Variants in MMP16 observed in about 807,000 individuals in gnomAD.
MMP16 encodes the protein matrix metalloproteinase-16.
In MMP16, 12 loss-of-function variants were observed where a neutral mutation model predicts 67.8. The observed-to-expected ratio is 0.18, with a 90% CI of 0.11 to 0.29. MMP16 has a LOEUF of 0.29. MMP16 is among the 10% of genes least tolerant of loss of function. The pLI, the probability that MMP16 is intolerant of heterozygous loss-of-function variation, is 1.00. For missense variants in MMP16, 475 were observed against 765.7 expected (o/e 0.62, Z 4.48); for synonymous variants, 249 against 255.9 (o/e 0.97, Z 0.26).
At chr8:88,138,082 C>CA (rs1808151783) in intron 4 of MMP16, among the ~76,000 whole-genome samples, 1 of 151,550 alleles carries the variant, frequency 6.6e-6, no homozygotes, top group African/African-American at 2.4e-5. Context: ...ACACCTGAAT[C>CA]ATGTGTGTAT....
At chr8:88,318,672 C>A (rs975211481) in intron 1 of MMP16, among the ~76,000 whole-genome samples, 2 of 152,116 alleles carry the variant, frequency 1.3e-5, no homozygotes, top group Non-Finnish European at 2.9e-5. Context: ...GTTCTTCAAA[C>A]CCTGTGTTGC....
At chr8:88,279,626 G>T (rs1175019735) in intron 1 of MMP16, among the ~76,000 whole-genome samples, 1 of 152,080 alleles carries the variant, frequency 6.6e-6, no homozygotes, top group African/African-American at 2.4e-5. Flanking sequence ...AACTTTTCTG[G>T]GACCTAACTA....
At position 88,235,677 on chromosome 8, in the gene MMP16, A is replaced by G. The variant is rs1025400419; in HGVS notation, c.133-38371T>C. Among the ~76,000 whole-genome samples, 4 of 152,194 alleles carry G rather than the reference A, an allele frequency of 2.6e-5. No homozygotes were observed. In the South Asian group the frequency reaches 8.3e-4, roughly 32 times the overall value. On this transcript the variant is annotated intron_variant, in intron 1 of 9. Transcript: ENST00000286614. ...TTAGAAAGCTTTGTCTAGCTTGCAT[A>G]GCTCTTTCGGAGAGGGGGTGCCCAG... is the stretch of plus-strand genomic sequence containing the variant.
intron 1 of MMP16, among the ~76,000 whole-genome samples, chr8:88,274,375 G>A (rs1373554559): frequency 4.6e-5 from 7 of 151,982 alleles, no homozygotes; most frequent in Non-Finnish European, 2.9e-5. Context: ...AACAAGCTTT[G>A]TGATTAGTCT....
At chr8:88,300,594 G>A (rs1458731466) in intron 1 of MMP16, among the ~76,000 whole-genome samples, 3 of 152,118 alleles carry the variant, frequency 2.0e-5, no homozygotes, top group Non-Finnish European at 2.9e-5. Flanking sequence ...ATCAGTTATT[G>A]TTGTTAATCT....
intron 1 of MMP16, among the ~76,000 whole-genome samples, chr8:88,326,648 C>T (rs1312952777): frequency 2.0e-5 from 3 of 152,148 alleles, no homozygotes; most frequent in African/African-American, 7.2e-5. Context: ...TTTTTAACCT[C>T]CTTTGTTAGG....
At chr8:88,221,393 C>T (rs190679634) in intron 1 of MMP16, among the ~76,000 whole-genome samples, 10 of 152,180 alleles carry the variant, frequency 6.6e-5, no homozygotes, top group Admixed American at 2.6e-4. Flanking sequence ...ATCTTTTCAG[C>T]GTCTCCGTCT....
chr8:88,271,532 C>T (rs922793176), intron 1 of MMP16, among the ~76,000 whole-genome samples: 23 of 152,126 alleles, frequency 1.5e-4, no homozygotes, highest in African/African-American at 5.3e-4. Flanking sequence ...CTCACTCTGT[C>T]GCCCAGGCTG....
chr8:88,233,956 C>T (rs1000784986), intron 1 of MMP16, among the ~76,000 whole-genome samples: 7 of 152,148 alleles, frequency 4.6e-5, no homozygotes, highest in African/African-American at 1.7e-4. Flanking sequence ...TATAGTCAAA[C>T]ATGAAAACTA....
intron 3 of MMP16, among the ~76,000 whole-genome samples, chr8:88,177,723 C>G (rs1394852697): frequency 6.6e-6 from 1 of 152,122 alleles, no homozygotes. Flanking sequence ...AATTAGACAG[C>G]TCAACCTCCT....
chr8:88,318,940 C>T (rs898773039), intron 1 of MMP16, among the ~76,000 whole-genome samples: 1 of 152,036 alleles, frequency 6.6e-6, no homozygotes, highest in Non-Finnish European at 1.5e-5. Context: ...CAGTCATCAG[C>T]GGGAATTCAG....
intron 4 of MMP16, among the ~76,000 whole-genome samples, chr8:88,124,052 A>C (rs1162749858): frequency 6.6e-6 from 1 of 152,048 alleles, no homozygotes; most frequent in Non-Finnish European, 1.5e-5. Flanking sequence ...AATCATTTTT[A>C]CTTAGCATTG....
intron 1 of MMP16, among the ~76,000 whole-genome samples, chr8:88,275,710 T>C (rs1409935348): frequency 2.0e-5 from 3 of 151,892 alleles, no homozygotes; most frequent in African/African-American, 4.8e-5. Context: ...TTACTTAATA[T>C]CAAAATATCA....
At chr8:88,172,743 T>A (rs143740269) in intron 3 of MMP16, among the ~76,000 whole-genome samples, 1 of 152,298 alleles carries the variant, frequency 6.6e-6, no homozygotes, top group Admixed American at 6.5e-5. Flanking sequence ...TTGAAGTATA[T>A]CTGGCATTTC....
Position 88,208,351 on chromosome 8 carries a change from T to C in MMP16, c.133-11045A>G, listed in dbSNP as rs571703479. On this transcript the variant is annotated intron_variant, in intron 1 of 9. Transcript: ENST00000286614. ...GCCAGTATTTTAGTTGTCTGGACAA[T>C]GAGAATATTGATTGGTTCCATTTAT... Among the ~76,000 whole-genome samples the C allele has an allele frequency of 3.9e-5, 6 of 152,302 alleles. No individual in the cohort carries two copies. In the South Asian group the frequency reaches 1.2e-3, roughly 32 times the overall value.
intron 1 of MMP16, among the ~76,000 whole-genome samples, chr8:88,226,106 TACAC>T (rs1809765006): frequency 6.6e-6 from 1 of 151,920 alleles, no homozygotes; most frequent in Admixed American, 6.6e-5. Flanking sequence ...GTCGTGTGTA[TACAC>T]ACACACGCAC....
chr8:88,130,425 G>A (rs1808008773), intron 4 of MMP16, among the ~76,000 whole-genome samples: 1 of 151,530 alleles, frequency 6.6e-6, no homozygotes, highest in East Asian at 2.0e-4. Flanking sequence ...TGGATTTAGA[G>A]AGGCAGAACT....
chr8:88,193,486 A>T (rs1356307953), intron 2 of MMP16, among the ~76,000 whole-genome samples: 1 of 152,148 alleles, frequency 6.6e-6, no homozygotes, highest in Non-Finnish European at 1.5e-5. Context: ...TAATGGGTAC[A>T]AAATGTAGTT....
chr8:88,272,297 C>T (rs886654933), intron 1 of MMP16, among the ~76,000 whole-genome samples: 1 of 152,104 alleles, frequency 6.6e-6, no homozygotes, highest in African/African-American at 2.4e-5. Context: ...TCCCAATAAT[C>T]TATACTTTGA....
Sources: gnomAD v4.1 joint callset for allele counts (sites outside exome capture counted in the v4.1 genomes callset) on GRCh38, gnomAD v4.1.1 for gene constraint, MANE v1.5 for transcripts, NCBI Gene and HGNC (gene_info 2026-07-23, HGNC 2026-07-21) for gene names.